The following DNAH1 variants were observed in gnomAD, a reference collection of about 807,000 sequenced individuals.
DNAH1 encodes the protein dynein axonemal heavy chain 1.
A neutral mutation model predicts 484.3 loss-of-function variants in DNAH1; 327 were observed. The ratio of observed to expected loss-of-function variants is 0.68; its 90% CI spans 0.62 to 0.74. DNAH1 has a LOEUF of 0.74. Ranked by LOEUF, DNAH1 falls within the 30% of genes least tolerant of loss-of-function variation. DNAH1 has a pLI of 0.00. For missense variants in DNAH1, 5,052 were observed against 5,546.8 expected, an observed-to-expected ratio of 0.91 and a Z score of 2.83; for synonymous variants, 2,192 against 2,191.9, an observed-to-expected ratio of 1.00 and a Z score of 0.00.
Position 52,396,980 on chromosome 3 carries a change from C to T in DNAH1, c.11723C>T (p.Ser3908Phe). ...GACTTCTACAACCCTGACGTGCTCT[C>T]CCCTGAGCACAGCTACAGCGCCTCG... ...LEDFYNPDVL[S>F]PEHSYSASGI... The change falls in exon 73 of 78, where the codon TCC (serine) becomes TTC (phenylalanine). Residue 3908 changes from serine (S) to phenylalanine (F), a missense_variant. Transcript: ENST00000420323. 1.2e-6 allele frequency: 2 copies of T among 1,613,016 alleles called. No homozygotes were observed. The highest frequency in any genetic ancestry group is 1.6e-4 in the Middle Eastern group (1 of 6,062).
rs766051062 is a variant in DNAH1 at position 52,380,095 on chromosome 3, C to T, written c.7568C>T (p.Ser2523Phe). The change falls in exon 48 of 78, where the codon TCC becomes TTC. Residue 2523 changes from serine (S) to phenylalanine (F), a missense_variant. By Grantham distance (155) the Ser-to-Phe change is radical. This residue lies in a region of DNAH1 where 2,929 missense variants were observed against 3,409.4 expected (regional missense o/e 0.86). Coordinates refer to ENST00000420323, the MANE Select transcript of DNAH1 (RefSeq NM_015512.5). ...TACGGGGACTTCATGTCACCAGGCT[C>T]CGATGTCAAGTCCTACGAGCTCATC... is the stretch of plus-strand genomic sequence containing the variant. ...ILYGDFMSPG[S>F]DVKSYELITS... 6.2e-7 allele frequency: 1 copy of T among 1,604,670 alleles called. No homozygotes were observed. Among genetic ancestry groups the T allele is most frequent in the African/African-American group, 1.3e-5 (1 of 74,832 alleles).
intron 27 of DNAH1, 78 bp from the exon 28 acceptor site, chr3:52,360,233 A>G (rs1702797918): frequency 6.6e-7 from 1 of 1,505,320 alleles, no homozygotes; most frequent in Non-Finnish European, 9.1e-7. Flanking sequence ...CCCAAAAAGA[A>G]CCCTCTCTCC....
chr3:52,361,670 C>CCG lies in DNAH1; in HGVS notation c.4884_4885insCG (p.Trp1629ArgfsTer56). On this transcript the variant is annotated frameshift_variant, in exon 30 of 78. Transcript: ENST00000420323. LOFTEE classifies it high-confidence loss of function. This position sits in a 1 kb window ranked among gnomAD's most constrained non-coding sequence, Gnocchi z 5.6. ...TTCCGGCCTCACTCAGTGCTGGGGC[C>CCG]TGGGCCTGCTTCGACGAGTTCAATC... 6.2e-7 allele frequency: 1 copy of CCG among 1,606,032 alleles called. No homozygotes were observed. Among genetic ancestry groups the CCG allele is most frequent in the South Asian group, 1.1e-5 (1 of 89,178 alleles).
At chr3:52,338,623 C>T (rs753967331) in intron 8 of DNAH1, among the ~76,000 whole-genome samples, 4 of 152,116 alleles carry the variant, frequency 2.6e-5, no homozygotes, top group Admixed American at 6.5e-5. Flanking sequence ...ACGTTTAAAA[C>T]GTGAAGGACA....
rs1703271498 is a variant in DNAH1, at chr3:52,370,195, T to C, written c.6224T>C (p.Leu2075Pro). The C allele has an allele frequency of 6.2e-7, 1 of 1,613,894 alleles. No individual in the cohort carries two copies. The highest frequency in any genetic ancestry group is 1.7e-5 in the Admixed American group (1 of 59,998). ...CNLTMSLLKLLDCFFKPFLPR... is the reference protein window; with the variant it reads ...CNLTMSLLKLPDCFFKPFLPR... ...CTGACCATGAGCCTCCTCAAGCTGC[T>C]GGACTGCTTCTTCAAGCCCTTTCTG... The change falls in exon 39 of 78, where the codon CTG becomes CCG. Residue 2075 changes from leucine (L) to proline (P), a missense_variant. Around this residue, in one of 4 missense-constraint regions of DNAH1, gnomAD observed 2,929 missense variants for 3,409.4 expected, o/e 0.86. Coordinates refer to ENST00000420323, the MANE Select transcript of DNAH1 (RefSeq NM_015512.5).
In DNAH1 at chr3:52,368,350, G is replaced by T. The variant is rs570162562; in HGVS notation, c.5766-391G>T. 6.6e-6 allele frequency among the ~76,000 whole-genome samples: 1 copy of T among 152,264 alleles called. No individual in the cohort carries two copies. The highest frequency in any genetic ancestry group is 1.9e-4 in the East Asian group (1 of 5,188). On this transcript the variant is annotated intron_variant, in intron 36 of 77. Coordinates refer to ENST00000420323, the MANE Select transcript of DNAH1 (RefSeq NM_015512.5). This position sits in a 1 kb window ranked among gnomAD's most constrained non-coding sequence, Gnocchi z 4.4. ...TTCCCTGGTGCGTGCTGCCTCTGAGGTCTGAGTCCCCTGGGTTCTGAGGCA... is the reference window on the plus strand; with the variant it reads ...TTCCCTGGTGCGTGCTGCCTCTGAGTTCTGAGTCCCCTGGGTTCTGAGGCA...
chr3:52,395,320 T>C lies in DNAH1; in HGVS notation c.10981T>C (p.Ser3661Pro). ...RFIEPQTANL[S>P]VVFKDSNSTT... ...CCTGCCCTTGCAGACAGCCAATCTG[T>C]CAGTGGTGTTCAAAGACTCCAACTC... The change falls in exon 69 of 78, where the codon TCA (serine) becomes CCA (proline). Residue 3661 changes from serine (S) to proline (P), a missense_variant. By Grantham distance (74) the Ser-to-Pro change is moderately conservative (BLOSUM62 -1). Transcript: ENST00000420323. The surrounding 1 kb of genome is among the most constrained non-coding windows in gnomAD (Gnocchi z 4.4). 6.2e-7 allele frequency: 1 copy of C among 1,613,506 alleles called. No homozygotes were observed. Among genetic ancestry groups the C allele is most frequent in the Non-Finnish European group, 8.5e-7 (1 of 1,179,772 alleles).
chr3:52,350,208 G>A, intron 15 of DNAH1, 100 bp downstream of exon 15: 2 of 1,514,028 alleles, frequency 1.3e-6, no homozygotes. Flanking sequence ...GGACTCAGGA[G>A]GCTGAGGGTA....
intron 8 of DNAH1, among the ~76,000 whole-genome samples, chr3:52,341,530 C>CTTTTTTTTTT (rs55645528): frequency 9.9e-6 from 1 of 101,174 alleles, no homozygotes; most frequent in Non-Finnish European, 1.9e-5. Flanking sequence ...TTGACTTTGA[C>CTTTTTTTTTT]TTTTTTTTTT....
In DNAH1 at chr3:52,388,822, C is replaced by G. The variant is rs762921161; in HGVS notation, c.9380C>G (p.Ser3127Trp). 1 of 1,613,578 alleles carries G rather than the reference C, an allele frequency of 6.2e-7. No individual in the cohort carries two copies. The highest frequency in any genetic ancestry group is 8.5e-7 in the Non-Finnish European group (1 of 1,179,864). ...CCCCTCCAGCTCATCAACGGGCTGT[C>G]GGATGAGAAGGTGCGCTGGCAGGAG... ...GRAGKLINGL[S>W]DEKVRWQETV... is the part of the protein sequence containing the mutation. Residue 3127 changes from serine to tryptophan, a missense_variant, in exon 59 of 78, where the codon TCG (serine) becomes TGG (tryptophan). This residue lies in a region of DNAH1 where 2,929 missense variants were observed against 3,409.4 expected (regional missense o/e 0.86). Transcript: ENST00000420323.
Position 52,353,921 on chromosome 3 carries a change from GTGACACAT to G in DNAH1, c.3480+289_3480+296del. 9.8e-6 allele frequency: 4 copies of G among 407,896 alleles called. No individual in the cohort carries two copies. The East Asian group carries it at 2.2e-4, about 22-fold the overall frequency. The allele number at this position is 407,896 out of a possible 1,614,324, so 25.3% of individuals were successfully genotyped here. On this transcript the variant is annotated intron_variant, in intron 20 of 77. Transcript: ENST00000420323. The surrounding 1 kb of genome is among the most constrained non-coding windows in gnomAD (Gnocchi z 5.0). ...TAACAGATGTGTCAGGCCGGGTGCAGTGACACATGCCTGTAAATCCCAGCACTTTGGGA... is the reference window on the plus strand; with the variant it reads ...TAACAGATGTGTCAGGCCGGGTGCAGGCCTGTAAATCCCAGCACTTTGGGA...
Position 52,361,488 on chromosome 3 carries a change from G to A in DNAH1, c.4874+136G>A, listed in dbSNP as rs936179240. On this transcript the variant is annotated intron_variant, in intron 29 of 77. Coordinates refer to ENST00000420323, the MANE Select transcript of DNAH1 (RefSeq NM_015512.5). This position sits in a 1 kb window ranked among gnomAD's most constrained non-coding sequence, Gnocchi z 5.6. ...GACAGAAGGGGGTAATAGGCATCAC[G>A]GCTTGGTCCTGGGGGCATTGGGGTG... 8 of 1,279,998 alleles carry A rather than the reference G, an allele frequency of 6.3e-6. No individual in the cohort carries two copies. The highest frequency in any genetic ancestry group is 3.0e-5 in the South Asian group (2 of 67,034). 79.3% of individuals were successfully genotyped at this position (1,279,998 alleles called of 1,614,324 possible).
At chr3:52,324,769 T>C (rs1701274916) in intron 3 of DNAH1, among the ~76,000 whole-genome samples, 1 of 152,194 alleles carries the variant, frequency 6.6e-6, no homozygotes, top group Non-Finnish European at 1.5e-5. Flanking sequence ...ACTGGGGGTA[T>C]TGGGAATGGT....
rs1267221173 is a variant in DNAH1 at position 52,384,976 on chromosome 3, A to C, written c.8513A>C (p.Lys2838Thr). The C allele has an allele frequency of 6.2e-7, 1 of 1,611,524 alleles. No homozygotes were observed. The highest frequency in any genetic ancestry group is 8.5e-7 in the Non-Finnish European group (1 of 1,178,766). Residue 2838 changes from lysine to threonine, a missense_variant and splice_region_variant, in exon 53 of 78, where the codon AAG becomes ACG. Lys to Thr is a moderately conservative substitution (Grantham distance 78, BLOSUM62 -1). Transcript: ENST00000420323. The part of the protein sequence containing the change: ...AKNRMKSGLD[K>T]LLRTSEDVAK... The stretch of plus-strand genomic sequence containing the variant: ...AACCGCATGAAGAGCGGCCTCGACA[A>C]GGTGGGCCCAGGCGAGTCCCCGTGG...
chr3:52,333,075 C>T (rs1247401146), intron 8 of DNAH1, among the ~76,000 whole-genome samples: 1 of 152,090 alleles, frequency 6.6e-6, no homozygotes, highest in Non-Finnish European at 1.5e-5. Flanking sequence ...TTTGTAGAGA[C>T]AGATCTCCCT....
At position 52,398,856 on chromosome 3, in the gene DNAH1, T is replaced by C. The variant is rs1704762191; in HGVS notation, c.12096T>C (p.Asn4032=). 3 of 1,541,160 alleles carry C rather than the reference T, an allele frequency of 1.9e-6. No individual in the cohort carries two copies. The highest frequency in any genetic ancestry group is 2.6e-6 in the Non-Finnish European group (3 of 1,140,920). The change falls in exon 76 of 78, where the codon AAT becomes AAC. Residue 4032 remains asparagine, a synonymous_variant. Coordinates refer to ENST00000420323, the MANE Select transcript of DNAH1 (RefSeq NM_015512.5). Reference sequence around the variant, plus strand: ...CTTGCCACTGGCCTCACAGGTACAATCGGCTGCTGCAGGTGATCACACAGA... The same window carrying C: ...CTTGCCACTGGCCTCACAGGTACAACCGGCTGCTGCAGGTGATCACACAGA... ...TVLVQEVIRY[N]RLLQVITQTL...
In DNAH1 at chr3:52,358,647, C is replaced by T; in HGVS notation, c.4176C>T (p.Ser1392=). ...TGTGCTTCTCCATCTACCCCTCCAG[C>T]AACGTGGAGGACTGGCTGCGGGAGG... ...VQLCFSIYPS[S]NVEDWLREVE... Residue 1392 remains serine (S), a synonymous_variant, in exon 25 of 78, where the codon AGC becomes AGT. Coordinates refer to ENST00000420323, the MANE Select transcript of DNAH1 (RefSeq NM_015512.5). The surrounding 1 kb of genome is among the most constrained non-coding windows in gnomAD (Gnocchi z 4.2). The T allele has an allele frequency of 6.2e-7, 1 of 1,613,284 alleles. No individual in the cohort carries two copies. The highest frequency in any genetic ancestry group is 8.5e-7 in the Non-Finnish European group (1 of 1,179,752).
At chr3:52,338,126 C>A (rs913417256) in intron 8 of DNAH1, among the ~76,000 whole-genome samples, 1 of 151,934 alleles carries the variant, frequency 6.6e-6, no homozygotes, top group Admixed American at 6.6e-5. Context: ...TATTTATTTT[C>A]GAGATGGAGT....
Position 52,351,996 on chromosome 3 carries a change from G to T in DNAH1, c.2764G>T (p.Gly922Trp). Residue 922 changes from glycine (G) to tryptophan (W), a missense_variant, in exon 17 of 78, where the codon GGG (glycine) becomes TGG (tryptophan). This residue lies in a region of DNAH1 where 1,263 missense variants were observed against 1,218.8 expected (regional missense o/e 1.04). Coordinates refer to ENST00000420323, the MANE Select transcript of DNAH1 (RefSeq NM_015512.5). Reference sequence around the variant, plus strand: ...CAGCAACTGGCCTTCTAAGATCCTTGGGCAGATAGAGCTGGTGCAGCAGCA... The same window carrying T: ...CAGCAACTGGCCTTCTAAGATCCTTTGGCAGATAGAGCTGGTGCAGCAGCA... ...IASNWPSKIL[G>W]QIELVQQQHV... The T allele has an allele frequency of 6.2e-7, 1 of 1,601,812 alleles. No homozygotes were observed. Among genetic ancestry groups the T allele is most frequent in the East Asian group, 2.3e-5 (1 of 44,420 alleles).
Sources: allele counts gnomAD v4.1 joint callset (sites outside exome capture counted in the v4.1 genomes callset), GRCh38; gene constraint gnomAD v4.1.1; regional missense constraint gnomAD v4.1.1; non-coding constraint Gnocchi (gnomAD v3.1); transcripts MANE v1.5; gene names NCBI Gene and HGNC (gene_info 2026-07-23, HGNC 2026-07-21).